AP3S2: variants seen among roughly 807,000 people sequenced by gnomAD.
AP3S2 encodes the protein AP-3 complex subunit sigma-2.
In AP3S2, 22 loss-of-function variants were observed where a neutral mutation model predicts 23.4. The observed-to-expected ratio is 0.94, with a 90% CI of 0.67 to 1.34. AP3S2 has a LOEUF of 1.34. Ranked by LOEUF, AP3S2 falls within the 40% of genes most tolerant of loss-of-function variation. The pLI is 0.00. For missense variants in AP3S2, 241 were observed against 236.9 expected, an observed-to-expected ratio of 1.02 and a Z score of -0.11; for synonymous variants, 86 against 87.1, an observed-to-expected ratio of 0.99 and a Z score of 0.07.
chr15:89,844,215 CTT>C (rs751417036), intron 4 of AP3S2, among the ~76,000 whole-genome samples: 72 of 14,658 alleles, frequency 4.9e-3, no homozygotes, highest in Admixed American at 0.011. Flanking sequence ...CTTTCTCTTT[CTT>C]TCTTTCTTTC....
Position 89,837,775 on chromosome 15 carries a change from T to C in AP3S2, c.346-53A>G. 3 of 1,607,776 alleles carry C rather than the reference T, an allele frequency of 1.9e-6. No homozygotes were observed. In the South Asian group the frequency reaches 3.3e-5, roughly 18 times the overall value. On this transcript the variant is annotated intron_variant, in intron 4 of 5. Coordinates refer to ENST00000336418, the MANE Select transcript of AP3S2 (RefSeq NM_005829.5). ...AGAATACTCTGTGGTGGTCAGAGTG[T>C]AACCCACGAGGTTTCCTTTTCCTGC...
rs970337352 is a variant in AP3S2 at position 89,834,102 on chromosome 15, C to T, written c.*1413G>A. 3.9e-5 allele frequency: 6 copies of T among 152,344 alleles called. No homozygotes were observed. The highest frequency in any genetic ancestry group is 9.6e-5 in the African/African-American group (4 of 41,454). 9.4% of individuals were successfully genotyped at this position (152,344 alleles called of 1,614,324 possible). On this transcript the variant is annotated 3_prime_UTR_variant, in exon 6 of 6. Transcript: ENST00000336418. ...GCGCCTAAGCCCTGGGAGAATGGCA[C>T]CTGAGGGAACAGAGCGTGCCCACAA...
chr15:89,839,012 T>TG (rs1004731875), intron 4 of AP3S2, among the ~76,000 whole-genome samples: 3 of 152,160 alleles, frequency 2.0e-5, no homozygotes, highest in African/African-American at 7.2e-5. Flanking sequence ...TCCTCTGCTG[T>TG]GGGGCTGTCC....
At chr15:89,858,447 A>G (rs897670541) in intron 4 of AP3S2, among the ~76,000 whole-genome samples, 3 of 148,512 alleles carry the variant, frequency 2.0e-5, no homozygotes, top group Non-Finnish European at 4.4e-5. Flanking sequence ...ATCTCAAAAA[A>G]AGAAAGAAAA....
intron 4 of AP3S2, among the ~76,000 whole-genome samples, chr15:89,848,400 G>A (rs186513519): frequency 3.9e-5 from 6 of 152,258 alleles, no homozygotes; most frequent in South Asian, 4.1e-4. Flanking sequence ...TCGCTCTGTC[G>A]CCCAGGCTGG....
intron 3 of AP3S2, among the ~76,000 whole-genome samples, chr15:89,885,009 G>C (rs963194784): frequency 6.6e-6 from 1 of 152,072 alleles, no homozygotes; most frequent in East Asian, 1.9e-4. Flanking sequence ...AATGCGCTTA[G>C]GTAGTAGGAT....
chr15:89,869,876 G>T (rs1160543708), intron 4 of AP3S2, among the ~76,000 whole-genome samples: 1 of 152,044 alleles, frequency 6.6e-6, no homozygotes, highest in Non-Finnish European at 1.5e-5. Context: ...GAATAGCTGG[G>T]ATTACAAGCG....
intron 4 of AP3S2, among the ~76,000 whole-genome samples, chr15:89,862,076 G>C (rs1451393763): frequency 6.6e-6 from 1 of 152,172 alleles, no homozygotes; most frequent in Non-Finnish European, 1.5e-5. Context: ...ATTGTGGAGA[G>C]CCTTGAATGT....
At chr15:89,838,225 C>A (rs1319396689) in intron 4 of AP3S2, 2 of 156,402 alleles carry the variant, frequency 1.3e-5, no homozygotes, top group East Asian at 3.8e-4. Flanking sequence ...CCTGTCCAAG[C>A]AACTGAAATG....
intron 1 of AP3S2, among the ~76,000 whole-genome samples, chr15:89,891,486 C>G (rs147869216): frequency 0.051 from 7,746 of 152,134 alleles, 280 homozygotes; most frequent in Middle Eastern, 0.085. Flanking sequence ...CAGCGAAACC[C>G]CATCTCTACT....
intron 3 of AP3S2, among the ~76,000 whole-genome samples, chr15:89,872,124 A>G (rs1468129212): frequency 6.6e-6 from 1 of 151,614 alleles, no homozygotes; most frequent in Non-Finnish European, 1.5e-5. Flanking sequence ...CTCAAAAAAA[A>G]AAAAAGAAAA....
At chr15:89,851,657 A>G (rs1895658494) in intron 4 of AP3S2, among the ~76,000 whole-genome samples, 2 of 152,172 alleles carry the variant, frequency 1.3e-5, no homozygotes, top group African/African-American at 4.8e-5. Context: ...TTTAATTAAT[A>G]AAAGGATCAC....
At chr15:89,869,058 G>A (rs1428719774) in intron 4 of AP3S2, among the ~76,000 whole-genome samples, 8 of 151,830 alleles carry the variant, frequency 5.3e-5, no homozygotes, top group South Asian at 4.1e-4. Flanking sequence ...CCACCACCCC[G>A]TCTGGGAGGT....
chr15:89,854,507 C>A (rs1895761018), intron 4 of AP3S2, among the ~76,000 whole-genome samples: 1 of 78,896 alleles, frequency 1.3e-5, no homozygotes, highest in Non-Finnish European at 2.7e-5. Context: ...GCCGCCCCGT[C>A]CGGGAGGGAG....
intron 4 of AP3S2, among the ~76,000 whole-genome samples, chr15:89,851,860 C>T (rs1356227396): frequency 6.6e-6 from 1 of 151,422 alleles, no homozygotes; most frequent in East Asian, 1.9e-4. Flanking sequence ...GTGTTTCATC[C>T]TCCTTTGGCT....
intron 1 of AP3S2, chr15:89,892,973 A>G (rs879506721): frequency 1.1e-4 from 16 of 152,246 alleles, no homozygotes; most frequent in Admixed American, 5.9e-4. Flanking sequence ...CTGAATACTC[A>G]TATTTTTACC....
intron 4 of AP3S2, among the ~76,000 whole-genome samples, chr15:89,853,251 G>T (rs770816216): frequency 7.2e-5 from 11 of 152,130 alleles, no homozygotes; most frequent in Non-Finnish European, 1.2e-4. Flanking sequence ...AATATAGGAG[G>T]CAGAGAGACT....
chr15:89,876,983 G>T (rs1332509512), intron 3 of AP3S2: 6 of 282,184 alleles, frequency 2.1e-5, no homozygotes, highest in East Asian at 2.0e-4. Context: ...TGGAAATCCA[G>T]TGAAATTTGC....
chr15:89,858,455 AAAAGAAAGAAAGAAAGAAAGAAAG>A (rs769434767), intron 4 of AP3S2, among the ~76,000 whole-genome samples: 1 of 131,074 alleles, frequency 7.6e-6, no homozygotes, highest in African/African-American at 2.9e-5. Context: ...AAAAGAAAGA[AAAAGAAAGAAAGAAAGAAAGAAAG>A]AAAGAAAGAA....
Sources: allele counts gnomAD v4.1 joint callset (sites outside exome capture counted in the v4.1 genomes callset), GRCh38; gene constraint gnomAD v4.1.1; transcripts MANE v1.5; gene names NCBI Gene and HGNC (gene_info 2026-07-23, HGNC 2026-07-21).